WWOX: variants seen among roughly 807,000 people sequenced by gnomAD.
WWOX encodes WW domain-containing oxidoreductase.
A neutral mutation model predicts 46.2 loss-of-function variants in WWOX; 69 were observed. The ratio of observed to expected loss-of-function variants is 1.49; its 90% CI spans 1.23 to 1.82. WWOX has a LOEUF of 1.82. WWOX is among the 40% of genes most tolerant of loss of function. WWOX has a pLI of 0.00. For synonymous variants in WWOX, 359 were observed against 202.6 expected, an observed-to-expected ratio of 1.77 and a Z score of -6.56; for missense variants, 919 against 542.6, an observed-to-expected ratio of 1.69 and a Z score of -6.89.
Position 78,457,147 on chromosome 16 carries a change from T to C in WWOX, c.1056+24395T>C, listed in dbSNP as rs115979699. Among the ~76,000 whole-genome samples, 16 of 152,370 alleles carry C rather than the reference T, an allele frequency of 1.1e-4. 1 individual carries two copies. The highest frequency in any genetic ancestry group is 3.4e-4 in the African/African-American group (14 of 41,586). ...AACATTCTCTCTGATCGTGTCTGTG[T>C]CTGCACCCTTTTTTGTTTTGTTTCT... is the stretch of plus-strand genomic sequence containing the variant. On this transcript the variant is annotated intron_variant, in intron 8 of 8. Coordinates refer to ENST00000566780, the MANE Select transcript of WWOX (RefSeq NM_016373.4).
chr16:78,352,270 G>A (rs563648489), intron 5 of WWOX, among the ~76,000 whole-genome samples: 14 of 152,256 alleles, frequency 9.2e-5, no homozygotes, highest in African/African-American at 3.1e-4. Flanking sequence ...TCCTATCTCT[G>A]CTGTAATAAA....
At chr16:78,372,504 T>G (rs929409711) in intron 5 of WWOX, among the ~76,000 whole-genome samples, 1 of 152,110 alleles carries the variant, frequency 6.6e-6, no homozygotes, top group Non-Finnish European at 1.5e-5. Flanking sequence ...GTAAAGAACC[T>G]TGTAGTAAGA....
At chr16:78,774,171 G>C (rs929474883) in intron 8 of WWOX, among the ~76,000 whole-genome samples, 11 of 152,152 alleles carry the variant, frequency 7.2e-5, no homozygotes, top group African/African-American at 2.4e-4. Context: ...GGGAGGCCAA[G>C]GCAGGCAGAT....
chr16:78,663,025 G>C (rs2047253109), intron 8 of WWOX, among the ~76,000 whole-genome samples: 1 of 152,168 alleles, frequency 6.6e-6, no homozygotes, highest in Admixed American at 6.5e-5. Context: ...TACTGCAATA[G>C]TCTCCCTTTA....
At chr16:79,015,131 A>G (rs923961710) in intron 8 of WWOX, among the ~76,000 whole-genome samples, 1 of 152,098 alleles carries the variant, frequency 6.6e-6, no homozygotes, top group African/African-American at 2.4e-5. Context: ...TTTGCCTGTG[A>G]TTTGCCATTG....
chr16:78,473,354 T>C (rs952338784), intron 8 of WWOX, among the ~76,000 whole-genome samples: 1 of 152,168 alleles, frequency 6.6e-6, no homozygotes, highest in Non-Finnish European at 1.5e-5. Flanking sequence ...AGTCTTGAAC[T>C]CCTGACCTCA....
At chr16:79,033,353 T>A (rs2047803149) in intron 8 of WWOX, among the ~76,000 whole-genome samples, 1 of 149,068 alleles carries the variant, frequency 6.7e-6, no homozygotes, top group African/African-American at 2.4e-5. Context: ...ATACATAATA[T>A]ATACATAATA....
chr16:78,754,875 G>A (rs2049597599), intron 8 of WWOX, among the ~76,000 whole-genome samples: 1 of 152,154 alleles, frequency 6.6e-6, no homozygotes. Context: ...CTCACAGTCT[G>A]TGCTGTGTCC....
chr16:78,679,167 CT>C (rs2047671566), intron 8 of WWOX, among the ~76,000 whole-genome samples: 1 of 152,118 alleles, frequency 6.6e-6, no homozygotes, highest in African/African-American at 2.4e-5. Context: ...CCCCAGTGAC[CT>C]GCTTTGTGAA....
In WWOX at chr16:78,686,633, A is replaced by C. The variant is rs564749739; in HGVS notation, c.1056+253881A>C. ...GTGTTTTTGGAGGAACTCCTGTTTTAATTTGTTTTTTCGGAAGTCCTCCAG... is the reference window on the plus strand; with the variant it reads ...GTGTTTTTGGAGGAACTCCTGTTTTCATTTGTTTTTTCGGAAGTCCTCCAG... On this transcript the variant is annotated intron_variant, in intron 8 of 8. Transcript: ENST00000566780. Among the ~76,000 whole-genome samples the C allele has an allele frequency of 1.5e-4, 23 of 152,232 alleles. 2 individuals are homozygous for C. Among genetic ancestry groups the C allele is most frequent in the Admixed American group, 1.2e-3 (19 of 15,290 alleles).
At chr16:78,984,698 G>A (rs2046750325) in intron 8 of WWOX, among the ~76,000 whole-genome samples, 2 of 152,196 alleles carry the variant, frequency 1.3e-5, no homozygotes, top group African/African-American at 4.8e-5. Context: ...AAAATATCCT[G>A]TGAATCTTCA....
chr16:78,734,469 C>T (rs985489767), intron 8 of WWOX, among the ~76,000 whole-genome samples: 3 of 151,940 alleles, frequency 2.0e-5, no homozygotes, highest in East Asian at 1.9e-4. Flanking sequence ...TTAAATCTTA[C>T]GGTCTGCGGG....
At chr16:78,757,879 C>G (rs1597559878) in intron 8 of WWOX, among the ~76,000 whole-genome samples, 1 of 152,150 alleles carries the variant, frequency 6.6e-6, no homozygotes, top group African/African-American at 2.4e-5. Context: ...ACTCTCATGA[C>G]TGAAGTACCT....
chr16:78,879,616 G>A (rs568694898), intron 8 of WWOX, among the ~76,000 whole-genome samples: 195 of 152,258 alleles, frequency 1.3e-3, no homozygotes, highest in Non-Finnish European at 2.2e-3. Flanking sequence ...GATGGTTCAC[G>A]CCTGTAATCC....
At chr16:79,000,709 A>T (rs2047076279) in intron 8 of WWOX, among the ~76,000 whole-genome samples, 1 of 152,190 alleles carries the variant, frequency 6.6e-6, no homozygotes, top group African/African-American at 2.4e-5. Context: ...TTCAGAAAAT[A>T]AATTTGTTTT....
At chr16:79,159,084 T>A (rs1567589014) in intron 8 of WWOX, among the ~76,000 whole-genome samples, 1 of 152,246 alleles carries the variant, frequency 6.6e-6, no homozygotes, top group African/African-American at 2.4e-5. Flanking sequence ...AGTAGGCTTC[T>A]GGGCTTGGTG....
At chr16:78,113,770 T>C (rs950642302) in intron 3 of WWOX, among the ~76,000 whole-genome samples, 11 of 152,200 alleles carry the variant, frequency 7.2e-5, no homozygotes, top group Admixed American at 7.2e-4. Context: ...CAGTCTAGCA[T>C]AGAACTGCTC....
intron 8 of WWOX, among the ~76,000 whole-genome samples, chr16:78,812,417 A>G (rs573604134): frequency 6.6e-6 from 1 of 152,236 alleles, no homozygotes; most frequent in African/African-American, 2.4e-5. Context: ...TGTTAAAAAA[A>G]ACCCAAAAAC....
chr16:79,096,127 C>T (rs568532961), intron 8 of WWOX, among the ~76,000 whole-genome samples: 1 of 150,840 alleles, frequency 6.6e-6, no homozygotes. Context: ...CTCGGTCTCC[C>T]AAAGTGCTGG....
Sources: allele counts gnomAD v4.1 joint callset (sites outside exome capture counted in the v4.1 genomes callset), GRCh38; gene constraint gnomAD v4.1.1; transcripts MANE v1.5; gene names NCBI Gene and HGNC (gene_info 2026-07-23, HGNC 2026-07-21).